The following TMCC3 variants were observed in gnomAD, a reference collection of about 807,000 sequenced individuals.
The protein encoded by TMCC3 is transmembrane and coiled-coil domain protein 3.
Under a neutral mutation model 40.2 loss-of-function variants are expected in TMCC3, and 28 were observed. The observed-to-expected ratio is 0.70, with a 90% CI of 0.52 to 0.95. TMCC3 has a LOEUF of 0.95. TMCC3 is among the 40% of genes least tolerant of loss of function. TMCC3 has a pLI of 0.00. For missense variants in TMCC3, 554 were observed against 615.2 expected, an observed-to-expected ratio of 0.90 and a Z score of 1.05; for synonymous variants, 255 against 248.5, an observed-to-expected ratio of 1.03 and a Z score of -0.25.
intron 1 of TMCC3, 125 bp from the exon 2 acceptor site, chr12:94,582,663 G>T: frequency 2.3e-6 from 2 of 854,712 alleles, no homozygotes; most frequent in Non-Finnish European, 3.5e-6. Flanking sequence ...AGTGTCACGG[G>T]ATAAAATCCC....
At chr12:94,631,821 A>G (rs1434856126) in intron 1 of TMCC3, among the ~76,000 whole-genome samples, 1 of 152,248 alleles carries the variant, frequency 6.6e-6, no homozygotes, top group Non-Finnish European at 1.5e-5. Flanking sequence ...CTAACTGTGG[A>G]AACTGACGCT....
intron 1 of TMCC3, among the ~76,000 whole-genome samples, chr12:94,625,583 G>C (rs1373374071): frequency 7.7e-6 from 1 of 129,080 alleles, no homozygotes; most frequent in Non-Finnish European, 1.6e-5. Flanking sequence ...AACAGAGCAA[G>C]ACTCCATCTC....
At chr12:94,607,750 A>AT (rs1426857566) in intron 1 of TMCC3, among the ~76,000 whole-genome samples, 4 of 152,204 alleles carry the variant, frequency 2.6e-5, no homozygotes, top group African/African-American at 9.7e-5. Flanking sequence ...TGCTAACTAC[A>AT]TAACAGTATT....
At chr12:94,605,202 G>A (rs1417729473) in intron 1 of TMCC3, among the ~76,000 whole-genome samples, 1 of 152,132 alleles carries the variant, frequency 6.6e-6, no homozygotes, top group Non-Finnish European at 1.5e-5. Context: ...GGGAAGCCAG[G>A]AATTTTAAAG....
At chr12:94,591,489 T>C (rs1244605488) in intron 1 of TMCC3, among the ~76,000 whole-genome samples, 1 of 151,724 alleles carries the variant, frequency 6.6e-6, no homozygotes, top group Non-Finnish European at 1.5e-5. Context: ...CTGGATGCAG[T>C]GGCTCACACC....
In TMCC3 at chr12:94,592,364, G is replaced by C. The variant is rs549524680; in HGVS notation, c.79-9826C>G. ...CCTCAAGAATCCTATTTCCGGCCGG[G>C]CGCAGTGGCTCACACTTGTAATCTA... On this transcript the variant is annotated intron_variant, in intron 1 of 3. Coordinates refer to ENST00000261226, the MANE Select transcript of TMCC3 (RefSeq NM_020698.4). Among the ~76,000 whole-genome samples, 3 of 152,022 alleles carry C rather than the reference G, an allele frequency of 2.0e-5. No individual in the cohort carries two copies. In the East Asian group the frequency reaches 5.8e-4, roughly 29 times the overall value.
chr12:94,637,290 A>G (rs937342276), intron 1 of TMCC3, among the ~76,000 whole-genome samples: 1 of 152,210 alleles, frequency 6.6e-6, no homozygotes, highest in Non-Finnish European at 1.5e-5. Flanking sequence ...TACATGGGAC[A>G]TCTCTGTACT....
At chr12:94,634,591 G>A (rs541889304) in intron 1 of TMCC3, among the ~76,000 whole-genome samples, 3 of 152,246 alleles carry the variant, frequency 2.0e-5, no homozygotes. Flanking sequence ...GCCAGAGTGC[G>A]AGTCAAACTT....
intron 3 of TMCC3, among the ~76,000 whole-genome samples, chr12:94,573,383 G>A (rs529346502): frequency 2.0e-5 from 3 of 152,124 alleles, no homozygotes; most frequent in South Asian, 4.1e-4. Context: ...CCACCCTTAC[G>A]AATCCATTTT....
intron 1 of TMCC3, among the ~76,000 whole-genome samples, chr12:94,592,357 C>T (rs61082673): frequency 0.046 from 6,969 of 151,844 alleles, 196 homozygotes; most frequent in East Asian, 0.1. Flanking sequence ...ATCCTATTTC[C>T]GGCCGGGCGC....
chr12:94,620,441 C>T (rs1566330928), intron 1 of TMCC3, among the ~76,000 whole-genome samples: 1 of 151,814 alleles, frequency 6.6e-6, no homozygotes, highest in Non-Finnish European at 1.5e-5. Context: ...GAGCCCACCA[C>T]CATGCCCAGC....
At chr12:94,625,458 G>A (rs989084250) in intron 1 of TMCC3, among the ~76,000 whole-genome samples, 3 of 151,974 alleles carry the variant, frequency 2.0e-5, no homozygotes, top group Non-Finnish European at 4.4e-5. Flanking sequence ...GCCAGGCGTG[G>A]TGGTGCACGC....
intron 1 of TMCC3, among the ~76,000 whole-genome samples, chr12:94,647,203 A>C (rs983904424): frequency 6.6e-6 from 1 of 152,184 alleles, no homozygotes; most frequent in Non-Finnish European, 1.5e-5. Flanking sequence ...TACAAAGATG[A>C]AGTTTTAAAA....
intron 1 of TMCC3, among the ~76,000 whole-genome samples, chr12:94,594,472 G>A (rs1240840235): frequency 1.3e-5 from 2 of 152,180 alleles, no homozygotes; most frequent in African/African-American, 4.8e-5. Flanking sequence ...AGGAGAGAAG[G>A]GGTGAGCAAG....
At chr12:94,584,559 G>A (rs1165631292) in intron 1 of TMCC3, among the ~76,000 whole-genome samples, 1 of 151,674 alleles carries the variant, frequency 6.6e-6, no homozygotes, top group Non-Finnish European at 1.5e-5. Context: ...ACTTCACCAC[G>A]TTATAAATCC....
chr12:94,608,866 A>G (rs190656542), intron 1 of TMCC3, among the ~76,000 whole-genome samples: 3 of 152,318 alleles, frequency 2.0e-5, no homozygotes, highest in Admixed American at 6.5e-5. Flanking sequence ...GCACATCAGC[A>G]TGACAGATGT....
intron 3 of TMCC3, among the ~76,000 whole-genome samples, chr12:94,576,074 G>A (rs1044752049): frequency 6.6e-6 from 1 of 152,082 alleles, no homozygotes; most frequent in Non-Finnish European, 1.5e-5. Flanking sequence ...CACTGCACTC[G>A]GCCCACTTGG....
chr12:94,631,656 T>C (rs1013338444), intron 1 of TMCC3, among the ~76,000 whole-genome samples: 5 of 152,234 alleles, frequency 3.3e-5, no homozygotes, highest in African/African-American at 1.2e-4. Flanking sequence ...GGATACTTTG[T>C]CAAAGCAGCC....
At chr12:94,608,076 C>A (rs1189634749) in intron 1 of TMCC3, among the ~76,000 whole-genome samples, 1 of 152,096 alleles carries the variant, frequency 6.6e-6, no homozygotes, top group Non-Finnish European at 1.5e-5. Flanking sequence ...ATGTAGTGAA[C>A]AATCAGTGAA....
Sources: allele counts gnomAD v4.1 joint callset (sites outside exome capture counted in the v4.1 genomes callset), GRCh38; gene constraint gnomAD v4.1.1; transcripts MANE v1.5; gene names NCBI Gene and HGNC (gene_info 2026-07-23, HGNC 2026-07-21).